CAB39: variants seen among roughly 807,000 people sequenced by gnomAD.
CAB39 encodes calcium-binding protein 39.
Under a neutral mutation model 40.0 loss-of-function variants are expected in CAB39, and 8 were observed. The observed-to-expected ratio is 0.20, with a 90% CI of 0.12 to 0.36. The LOEUF (loss-of-function observed/expected upper bound fraction) is 0.36, where lower values mean the gene tolerates loss of function less well. Ranked by LOEUF, CAB39 falls within the 10% of genes least tolerant of loss-of-function variation. The pLI is 1.00. For missense variants in CAB39, 270 were observed against 401.1 expected (o/e 0.67, Z 2.79); for synonymous variants, 156 against 141.6 (o/e 1.10, Z -0.72).
In CAB39 at chr2:230,799,331, A is replaced by G. The variant is rs78492598; in HGVS notation, c.567+434A>G. On this transcript the variant is annotated intron_variant, in intron 5 of 8. Coordinates refer to ENST00000258418, the MANE Select transcript of CAB39 (RefSeq NM_016289.4). ...TTAGGACCACATTCAGGACAGAGAT[A>G]CTCACATTGTGGACAGGCCCGAGGA... Among the ~76,000 whole-genome samples the G allele has an allele frequency of 5.1e-3, 777 of 152,250 alleles. 1 individual carries two copies. The highest frequency in any genetic ancestry group is 0.017 in the African/African-American group (722 of 41,530).
chr2:230,807,216 C>A (rs1228981253), intron 5 of CAB39, among the ~76,000 whole-genome samples: 1 of 152,026 alleles, frequency 6.6e-6, no homozygotes, highest in Non-Finnish European at 1.5e-5. Context: ...CACACACCCC[C>A]CTCCCACCCA....
intron 1 of CAB39, among the ~76,000 whole-genome samples, chr2:230,751,246 T>C (rs549290535): frequency 1.3e-5 from 2 of 152,228 alleles, no homozygotes; most frequent in Non-Finnish European, 2.9e-5. Context: ...CTAACACATA[T>C]GTTAGTGTAG....
intron 5 of CAB39, among the ~76,000 whole-genome samples, chr2:230,807,441 G>C (rs1197571052): frequency 2.0e-5 from 2 of 97,788 alleles, no homozygotes; most frequent in Non-Finnish European, 3.8e-5. Context: ...GCCTTTGAAT[G>C]ACCCTTTTTA....
intron 1 of CAB39, among the ~76,000 whole-genome samples, chr2:230,720,412 A>G (rs369748888): frequency 1.8e-4 from 28 of 152,236 alleles, no homozygotes; most frequent in East Asian, 1.5e-3. Context: ...TCAAATGTCT[A>G]TTATTAATTT....
chr2:230,794,994 A>G (rs1410737516), intron 4 of CAB39, among the ~76,000 whole-genome samples: 1 of 152,190 alleles, frequency 6.6e-6, no homozygotes, highest in African/African-American at 2.4e-5. Flanking sequence ...TATTACTTCC[A>G]GGCTGGACAT....
chr2:230,714,265 T>C (rs758022675), intron 1 of CAB39, among the ~76,000 whole-genome samples: 1 of 152,054 alleles, frequency 6.6e-6, no homozygotes, highest in Non-Finnish European at 1.5e-5. Context: ...CCCGGAAATG[T>C]AGGCTAGGGG....
chr2:230,786,365 G>T (rs1185605406), intron 2 of CAB39, among the ~76,000 whole-genome samples: 7 of 151,222 alleles, frequency 4.6e-5, no homozygotes, highest in Non-Finnish European at 1.0e-4. Context: ...TGGGGGGTGG[G>T]GTGGGGATGG....
intron 1 of CAB39, among the ~76,000 whole-genome samples, chr2:230,757,815 C>A (rs547514029): frequency 3.9e-5 from 6 of 152,036 alleles, no homozygotes; most frequent in Admixed American, 6.6e-5. Flanking sequence ...GCTTCCCCCC[C>A]ACCCCCTGCC....
chr2:230,730,212 T>C (rs1459479936), intron 1 of CAB39, among the ~76,000 whole-genome samples: 2 of 152,154 alleles, frequency 1.3e-5, no homozygotes, highest in African/African-American at 2.4e-5. Flanking sequence ...TAGGCTCAAG[T>C]GATCTTTCAC....
At position 230,776,969 on chromosome 2, in the gene CAB39, G is replaced by A. The variant is rs183313695; in HGVS notation, c.115-13903G>A. On this transcript the variant is annotated intron_variant, in intron 2 of 8. Transcript: ENST00000258418. ...CTTAAAGTGCTGAGATTACAGGCTT[G>A]AGCCACCGCACCTGGCCTTTCATCC... 4.8e-4 allele frequency among the ~76,000 whole-genome samples: 73 copies of A among 152,266 alleles called. 1 individual carries two copies. In the East Asian group the frequency reaches 0.013, roughly 28 times the overall value.
Position 230,817,188 on chromosome 2 carries a change from A to C in CAB39, c.694-566A>C, listed in dbSNP as rs1384762090. ...AGTAAGAAAACACTGGATTATCTTCAGGAGACCTAAGAAGGAGCAGAAAAA... is the reference window on the plus strand; with the variant it reads ...AGTAAGAAAACACTGGATTATCTTCCGGAGACCTAAGAAGGAGCAGAAAAA... On this transcript the variant is annotated intron_variant, in intron 7 of 8. Coordinates refer to ENST00000258418, the MANE Select transcript of CAB39 (RefSeq NM_016289.4). 1.1e-4 allele frequency among the ~76,000 whole-genome samples: 16 copies of C among 152,360 alleles called. No individual in the cohort carries two copies. In the East Asian group the frequency reaches 3.1e-3, roughly 29 times the overall value.
intron 1 of CAB39, among the ~76,000 whole-genome samples, chr2:230,752,612 C>G (rs2124908430): frequency 6.6e-6 from 1 of 152,336 alleles, no homozygotes; most frequent in African/African-American, 2.4e-5. Flanking sequence ...CTTCCCAACA[C>G]TTGCATTGGG....
At chr2:230,743,567 T>G (rs976100515) in intron 1 of CAB39, among the ~76,000 whole-genome samples, 4 of 152,214 alleles carry the variant, frequency 2.6e-5, no homozygotes, top group Non-Finnish European at 5.9e-5. Flanking sequence ...TATAGAAAAT[T>G]TAAACATAAG....
chr2:230,782,776 G>GAAAC (rs1337080521), intron 2 of CAB39, among the ~76,000 whole-genome samples: 1 of 145,030 alleles, frequency 6.9e-6, no homozygotes, highest in East Asian at 2.0e-4. Flanking sequence ...CTCCAACATT[G>GAAAC]AAACAGACTG....
chr2:230,776,231 C>A (rs1300031392), intron 2 of CAB39, among the ~76,000 whole-genome samples: 2 of 152,172 alleles, frequency 1.3e-5, no homozygotes, highest in Non-Finnish European at 2.9e-5. Flanking sequence ...AGGTCTTACG[C>A]TATAGAAGTC....
chr2:230,730,281 G>A (rs1195132778), intron 1 of CAB39, among the ~76,000 whole-genome samples: 1 of 151,944 alleles, frequency 6.6e-6, no homozygotes, highest in East Asian at 1.9e-4. Flanking sequence ...GTTAATTTTT[G>A]TAGTTTTTGC....
chr2:230,752,181 A>T (rs1307388526), intron 1 of CAB39: 2 of 151,860 alleles, frequency 1.3e-5, no homozygotes, highest in Non-Finnish European at 2.9e-5. Flanking sequence ...CTGGAATGAT[A>T]CAGAGAAGAT....
intron 1 of CAB39, among the ~76,000 whole-genome samples, chr2:230,716,056 A>G (rs1694344388): frequency 6.6e-6 from 1 of 152,022 alleles, no homozygotes; most frequent in African/African-American, 2.4e-5. Context: ...TTTCTACTTC[A>G]GGTTCTTGTA....
At chr2:230,809,542 G>A (rs1440304491) in intron 5 of CAB39, among the ~76,000 whole-genome samples, 2 of 152,046 alleles carry the variant, frequency 1.3e-5, no homozygotes, top group East Asian at 1.9e-4. Context: ...TTGAAGGCAG[G>A]GATCATATCT....
Sources: allele counts gnomAD v4.1 joint callset (sites outside exome capture counted in the v4.1 genomes callset), GRCh38; gene constraint gnomAD v4.1.1; transcripts MANE v1.5; gene names NCBI Gene and HGNC (gene_info 2026-07-23, HGNC 2026-07-21).